The following SPATA33 variants were observed in gnomAD, a reference collection of about 807,000 sequenced individuals.
SPATA33 encodes spermatogenesis associated 33.
A neutral mutation model predicts 8.9 loss-of-function variants in SPATA33; 10 were observed. That is an observed-to-expected ratio of 1.12 (90% CI 0.69 to 1.90). The LOEUF (loss-of-function observed/expected upper bound fraction) is 1.90, where lower values mean the gene tolerates loss of function less well. Among genes scored for constraint, SPATA33 ranks in the 40% most tolerant of loss-of-function variants. SPATA33 has a pLI of 0.00. For missense variants in SPATA33, 241 were observed against 178.3 expected (o/e 1.35, Z -2.00); for synonymous variants, 96 against 72.8 (o/e 1.32, Z -1.63).
At chr16:89,669,221 GGT>G in intron 2 of SPATA33, 63 bp from the exon 3 acceptor site, 1 of 1,428,598 alleles carries the variant, frequency 7.0e-7, no homozygotes, top group East Asian at 2.3e-5. Flanking sequence ...AATGGCAGGA[GGT>G]GTGTGCATCG....
chr16:89,664,062 T>TG (rs2059994723), intron 2 of SPATA33, among the ~76,000 whole-genome samples: 1 of 152,132 alleles, frequency 6.6e-6, no homozygotes, highest in African/African-American at 2.4e-5. Context: ...GGGGCTGCAG[T>TG]GAGCCAAGAT....
chr16:89,657,986 G>A (rs1027580236), intron 1 of SPATA33, 38 bp downstream of exon 1: 3 of 1,503,114 alleles, frequency 2.0e-6, no homozygotes, highest in Non-Finnish European at 2.6e-6. Context: ...CCGCGTCTCC[G>A]CCCCTGGGCG....
At chr16:89,667,471 G>C (rs1015674603) in intron 2 of SPATA33, among the ~76,000 whole-genome samples, 1 of 152,112 alleles carries the variant, frequency 6.6e-6, no homozygotes, top group South Asian at 2.1e-4. Flanking sequence ...TATTACACTG[G>C]AACAGCTCGT....
Position 89,657,862 on chromosome 16 carries a change from C to G in SPATA33, c.-50C>G, listed in dbSNP as rs893431424. The G allele has an allele frequency of 2.5e-5, 37 of 1,509,706 alleles. No homozygotes were observed. The Middle Eastern group carries it at 5.5e-4, about 23-fold the overall frequency. 93.5% of individuals were successfully genotyped at this position (1,509,706 alleles called of 1,614,324 possible). A position where few individuals can be genotyped will look rare whatever the true frequency, so the allele number is the denominator to read the frequency against. On this transcript the variant is annotated 5_prime_UTR_variant, in exon 1 of 3. Transcript: ENST00000579310. ...TGAGTCGCTCCCGGCTCCGCGGCCG[C>G]GGAGGTGTGGGGACCCGGGCTTGCG...
intron 2 of SPATA33, among the ~76,000 whole-genome samples, chr16:89,666,610 A>G (rs1200865388): frequency 6.6e-6 from 1 of 152,174 alleles, no homozygotes; most frequent in Non-Finnish European, 1.5e-5. Context: ...TAAAGACACA[A>G]GGCAAAGAGA....
chr16:89,665,554 T>TC (rs2060015885), intron 2 of SPATA33, among the ~76,000 whole-genome samples: 1 of 151,372 alleles, frequency 6.6e-6, no homozygotes, highest in African/African-American at 2.4e-5. Context: ...GACCTCGTGA[T>TC]CCGCCCGCAT....
Position 89,669,601 on chromosome 16 carries a change from G to A in SPATA33, c.*104G>A. 8.3e-7 allele frequency: 1 copy of A among 1,210,188 alleles called. No individual in the cohort carries two copies. Among genetic ancestry groups the A allele is most frequent in the Non-Finnish European group, 1.2e-6 (1 of 866,190 alleles). 75.0% of individuals were successfully genotyped at this position (1,210,188 alleles called of 1,614,324 possible). On this transcript the variant is annotated 3_prime_UTR_variant, in exon 3 of 3. Transcript: ENST00000579310. The stretch of plus-strand genomic sequence containing the variant: ...AGGCCCCTTCTCCAGTGCTCTCGGG[G>A]AGGTTGCACCAGGCCCACCCCACCC...
intron 2 of SPATA33, chr16:89,658,731 A>T: frequency 2.4e-6 from 1 of 419,780 alleles, no homozygotes; most frequent in East Asian, 4.5e-5. Context: ...TCTTGGTGCC[A>T]CTGAGAATCC....
intron 2 of SPATA33, chr16:89,661,617 C>T (rs2059967312): frequency 6.6e-6 from 1 of 152,130 alleles, no homozygotes; most frequent in South Asian, 2.1e-4. Context: ...TTTTGCATTA[C>T]AAAATTCACA....
rs1284322358 is a variant in SPATA33, at chr16:89,657,854, CGCG to C, written c.-55_-53del. On this transcript the variant is annotated 5_prime_UTR_variant, in exon 1 of 3. Transcript: ENST00000579310. Reference sequence around the variant, plus strand: ...ACCTTTTGTGAGTCGCTCCCGGCTCCGCGGCCGCGGAGGTGTGGGGACCCGGGC... The same window carrying C: ...ACCTTTTGTGAGTCGCTCCCGGCTCCGCCGCGGAGGTGTGGGGACCCGGGC... 2.4e-5 allele frequency: 36 copies of C among 1,509,072 alleles called. No homozygotes were observed. The Middle Eastern group carries it at 5.7e-4, about 24-fold the overall frequency. 93.5% of individuals were successfully genotyped at this position (1,509,072 alleles called of 1,614,324 possible). A position where few individuals can be genotyped will look rare whatever the true frequency, so the allele number is the denominator to read the frequency against.
At chr16:89,660,392 G>A (rs938597741) in intron 2 of SPATA33, 58 of 1,082,266 alleles carry the variant, frequency 5.4e-5, no homozygotes, top group Admixed American at 1.7e-4. Flanking sequence ...GGAAGTGGGG[G>A]AAGGAGGACC....
chr16:89,669,521 G>GCTA lies in SPATA33; in HGVS notation c.*27_*29dup. ...AAACAAGCACCTTTGCATGGCACTC[G>GCTA]CTACTCCCTGCGATAGGCGTCTCGG... is the stretch of plus-strand genomic sequence containing the variant. On this transcript the variant is annotated 3_prime_UTR_variant, in exon 3 of 3. Coordinates refer to ENST00000579310, the MANE Select transcript of SPATA33 (RefSeq NM_001271907.2). The GCTA allele has an allele frequency of 6.2e-7, 1 of 1,606,014 alleles. No homozygotes were observed.
In SPATA33 at chr16:89,669,223, T is replaced by TG. The variant is rs1049329621; in HGVS notation, c.212-62dup. 1.6e-5 allele frequency: 23 copies of TG among 1,442,662 alleles called. No homozygotes were observed. The African/African-American group carries it at 3.1e-4, about 19-fold the overall frequency. The allele number at this position is 1,442,662 out of a possible 1,614,324, so 89.4% of individuals were successfully genotyped here. On this transcript the variant is annotated intron_variant, in intron 2 of 2. Transcript: ENST00000579310. ...CTTTACTCTGACCAATGGCAGGAGG[T>TG]GTGTGCATCGTGGAAGGAGCTTTCC... is the stretch of plus-strand genomic sequence containing the variant.
intron 2 of SPATA33, among the ~76,000 whole-genome samples, chr16:89,663,010 T>G (rs1217876137): frequency 6.6e-6 from 1 of 151,016 alleles, no homozygotes; most frequent in Non-Finnish European, 1.5e-5. Flanking sequence ...GTCAGGCTGG[T>G]CTCAAACTCC....
Position 89,660,754 on chromosome 16 carries a change from A to G in SPATA33, c.211+2333A>G, listed in dbSNP as rs925237503. The G allele has an allele frequency of 1.9e-5, 16 of 829,632 alleles. No individual in the cohort carries two copies. The Admixed American group carries it at 3.0e-4, about 16-fold the overall frequency. The allele number at this position is 829,632 out of a possible 1,614,324, so 51.4% of individuals were successfully genotyped here. On this transcript the variant is annotated intron_variant, in intron 2 of 2. Transcript: ENST00000579310. ...TGGGAGCCGGCCACAGCTGAGCACA[A>G]GAGGACTTTGGAGGGTGATGGAAAT... is the stretch of plus-strand genomic sequence containing the variant.
At chr16:89,659,709 A>C (rs1348147355) in intron 2 of SPATA33, 1 of 151,046 alleles carries the variant, frequency 6.6e-6, no homozygotes, top group South Asian at 2.1e-4. Flanking sequence ...AATAATAAGG[A>C]GAGAACCACT....
In SPATA33 at chr16:89,669,445, G is replaced by A. The variant is rs745493848; in HGVS notation, c.371G>A (p.Arg124Gln). The A allele has an allele frequency of 1.4e-5, 23 of 1,613,698 alleles. No individual in the cohort carries two copies. The highest frequency in any genetic ancestry group is 6.7e-5 in the Admixed American group (4 of 59,994). ...CCGGAGGACTGGGGCCCCTACCGGC[G>A]GCACAGGAACCCCAGTACAGCAGAC... ...REPEDWGPYR[R>Q]HRNPSTADAY... The change falls in exon 3 of 3, where the codon CGG (arginine) becomes CAG (glutamine). Residue 124 changes from arginine to glutamine, a missense_variant. By Grantham distance (43) the Arg-to-Gln change is conservative. Transcript: ENST00000579310.
intron 2 of SPATA33, among the ~76,000 whole-genome samples, chr16:89,668,477 G>T (rs375594446): frequency 6.6e-6 from 1 of 152,036 alleles, no homozygotes; most frequent in Non-Finnish European, 1.5e-5. Context: ...TTCTAACCCT[G>T]ACCACACATA....
chr16:89,664,597 G>T (rs2060001522), intron 2 of SPATA33, among the ~76,000 whole-genome samples: 1 of 149,724 alleles, frequency 6.7e-6, no homozygotes, highest in South Asian at 2.2e-4. Context: ...GACAGTAAAA[G>T]TGTCAGAGGC....
Sources: gnomAD v4.1 joint callset for allele counts (sites outside exome capture counted in the v4.1 genomes callset) on GRCh38, gnomAD v4.1.1 for gene constraint, MANE v1.5 for transcripts, NCBI Gene and HGNC (gene_info 2026-07-23, HGNC 2026-07-21) for gene names.